PRDM9: variants seen among roughly 807,000 people sequenced by gnomAD.
PRDM9 encodes histone-lysine N-methyltransferase PRDM9.
Under a neutral mutation model 55.6 loss-of-function variants are expected in PRDM9, and 47 were observed. The observed-to-expected ratio is 0.85, with a 90% CI of 0.67 to 1.08. PRDM9 has a LOEUF of 1.08. Ranked by LOEUF, PRDM9 falls within the 50% of genes least tolerant of loss-of-function variation. The probability of loss-of-function intolerance (pLI) is 0.00; values close to 1 mark genes in which losing one functional copy is unlikely to be tolerated. For missense variants in PRDM9, 867 were observed against 1,040.3 expected, an observed-to-expected ratio of 0.83 and a Z score of 2.29; for synonymous variants, 312 against 375.7, an observed-to-expected ratio of 0.83 and a Z score of 1.96.
intron 4 of PRDM9, among the ~76,000 whole-genome samples, chr5:23,513,498 G>A (rs1475361649): frequency 1.3e-5 from 2 of 152,150 alleles, no homozygotes; most frequent in Middle Eastern, 3.4e-3. Flanking sequence ...GTCATGATGC[G>A]GTTTGAAGCC....
In PRDM9 at chr5:23,527,997, T is replaced by C. The variant is rs1231744550; in HGVS notation, c.*224T>C. ...TAGTTCTGTAAGTGTTCGGGGGACA[T>C]CAGCATGTGTGGTTCTTTCCCGCAC... is the stretch of plus-strand genomic sequence containing the variant. On this transcript the variant is annotated 3_prime_UTR_variant, in exon 11 of 11. Transcript: ENST00000296682. 4 of 669,364 alleles carry C rather than the reference T, an allele frequency of 6.0e-6. No individual in the cohort carries two copies. Among genetic ancestry groups the C allele is most frequent in the Non-Finnish European group, 5.1e-6 (2 of 393,550 alleles). 41.5% of individuals were successfully genotyped at this position (669,364 alleles called of 1,614,324 possible). A position where few individuals can be genotyped will look rare whatever the true frequency, so the allele number is the denominator to read the frequency against.
At chr5:23,519,293 C>G (rs954514757) in intron 5 of PRDM9, among the ~76,000 whole-genome samples, 12 of 152,150 alleles carry the variant, frequency 7.9e-5, no homozygotes, top group Non-Finnish European at 1.6e-4. Context: ...CTACTGGGCT[C>G]AAGCCATCCT....
chr5:23,518,742 A>C (rs1579592316), intron 5 of PRDM9, among the ~76,000 whole-genome samples: 6 of 152,376 alleles, frequency 3.9e-5, no homozygotes, highest in Admixed American at 6.5e-5. Flanking sequence ...TACAGAAGGC[A>C]GTAACAGCTC....
intron 4 of PRDM9, among the ~76,000 whole-genome samples, chr5:23,517,602 A>G (rs1225634694): frequency 2.0e-5 from 3 of 152,086 alleles, no homozygotes; most frequent in African/African-American, 7.2e-5. Context: ...CATCGCCAAC[A>G]TGGAGAAACC....
chr5:23,511,858 A>G (rs1190421121), intron 4 of PRDM9, among the ~76,000 whole-genome samples: 1 of 152,150 alleles, frequency 6.6e-6, no homozygotes, highest in Admixed American at 6.5e-5. Context: ...TGAAATACAC[A>G]TAAAAAGATC....
intron 5 of PRDM9, among the ~76,000 whole-genome samples, chr5:23,518,945 T>A (rs1435290040): frequency 3.9e-5 from 6 of 152,256 alleles, no homozygotes; most frequent in Non-Finnish European, 8.8e-5. Flanking sequence ...AGTTTATGAA[T>A]TAAACTATAA....
Position 23,509,988 on chromosome 5 carries a change from A to C in PRDM9, c.262A>C (p.Thr88Pro), listed in dbSNP as rs763206894. 6 of 1,613,938 alleles carry C rather than the reference A, an allele frequency of 3.7e-6. No homozygotes were observed. Among genetic ancestry groups the C allele is most frequent in the East Asian group, 2.2e-5 (1 of 44,876 alleles). The change falls in exon 4 of 11, where the codon ACA (threonine) becomes CCA (proline). Residue 88 changes from threonine to proline, a missense_variant. Thr to Pro is a conservative substitution (Grantham distance 38, BLOSUM62 -1). Around this residue, in one of 5 missense-constraint regions of PRDM9, gnomAD observed 662 missense variants for 711.9 expected, o/e 0.93. Coordinates refer to ENST00000296682, the MANE Select transcript of PRDM9 (RefSeq NM_020227.4). ...GGCCATCAAACTCCAGGTGGATGACACAGAAGATTCTGATGAAGAATGGAC... is the reference window on the plus strand; with the variant it reads ...GGCCATCAAACTCCAGGTGGATGACCCAGAAGATTCTGATGAAGAATGGAC... Reference protein sequence around the residue: ...RQAIKLQVDDTEDSDEEWTPR... With the variant: ...RQAIKLQVDDPEDSDEEWTPR...
At chr5:23,513,635 A>G (rs1175060519) in intron 4 of PRDM9, among the ~76,000 whole-genome samples, 1 of 151,992 alleles carries the variant, frequency 6.6e-6, no homozygotes, top group Non-Finnish European at 1.5e-5. Flanking sequence ...TAATCCTAGC[A>G]CTTTGGTAGG....
intron 4 of PRDM9, among the ~76,000 whole-genome samples, chr5:23,510,627 GGATGATGATGATGATGAT>G (rs201050539): frequency 7.0e-6 from 1 of 142,772 alleles, no homozygotes; most frequent in Non-Finnish European, 1.5e-5. Context: ...CAAAGTGCTG[GGATGATGATGATGATGAT>G]GATGATGATG....
rs374584872 is a variant in PRDM9, at chr5:23,526,721, A to G, written c.1633A>G (p.Thr545Ala). ...VKSDVITHQRTHTGEKLYVCR... is the reference protein window; with the variant it reads ...VKSDVITHQRAHTGEKLYVCR... ...ATCAGATGTTATTACACACCAAAGG[A>G]CACATACAGGGGAGAAGCTCTACGT... Residue 545 changes from threonine to alanine, a missense_variant, in exon 11 of 11, where the codon ACA becomes GCA. By Grantham distance (58) the Thr-to-Ala change is moderately conservative. This residue lies in a region of PRDM9 where 662 missense variants were observed against 711.9 expected (regional missense o/e 0.93). Transcript: ENST00000296682. The G allele has an allele frequency of 4.3e-5, 70 of 1,614,128 alleles. No individual in the cohort carries two copies. The highest frequency in any genetic ancestry group is 8.3e-5 in the Admixed American group (5 of 60,008).
At chr5:23,526,182 T>C in intron 10 of PRDM9, 51 bp from the exon 11 acceptor site, 1 of 1,542,788 alleles carries the variant, frequency 6.5e-7, no homozygotes. Context: ...CCTTCATATG[T>C]GGTAAGGCCT....
At chr5:23,521,259 G>T in intron 6 of PRDM9, 80 bp downstream of exon 6, 1 of 1,555,696 alleles carries the variant, frequency 6.4e-7, no homozygotes, top group Non-Finnish European at 8.8e-7. Flanking sequence ...CCTATGTGGG[G>T]TGGACTTTGC....
At chr5:23,523,153 G>T in intron 8 of PRDM9, 138 bp from the exon 9 acceptor site, 1 of 1,138,090 alleles carries the variant, frequency 8.8e-7, no homozygotes, top group Non-Finnish European at 1.3e-6. Flanking sequence ...GATAGATGAT[G>T]ACTAAGGTGC....
Position 23,523,350 on chromosome 5 carries a change from C to A in PRDM9, c.942C>A (p.Asn314Lys), listed in dbSNP as rs750635579. 6.2e-7 allele frequency: 1 copy of A among 1,613,194 alleles called. No homozygotes were observed. The highest frequency in any genetic ancestry group is 8.5e-7 in the Non-Finnish European group (1 of 1,179,154). The change falls in exon 9 of 11, where the codon AAC becomes AAA. Residue 314 changes from asparagine (N) to lysine (K), a missense_variant. Asn to Lys is a moderately conservative substitution (Grantham distance 94, BLOSUM62 0). Transcript: ENST00000296682. ...YVDGKDKSWA[N>K]WMRYVNCARD... ...ATGGAAAAGATAAATCCTGGGCCAA[C>A]TGGATGAGGTAAGGCCAGTAGCTCT...
In PRDM9 at chr5:23,522,869, A is replaced by G. The variant is rs201626990; in HGVS notation, c.866A>G (p.Asn289Ser). ...ACAGAAGACGAAGAGGCAGCCAACA[A>G]TGGATACTCCTGGCTGGTAAGAAGA... ...RITEDEEAAN[N>S]GYSWLITKGR... Residue 289 changes from asparagine (N) to serine (S), a missense_variant, in exon 8 of 11, where the codon AAT becomes AGT. Transcript: ENST00000296682. The G allele has an allele frequency of 8.8e-5, 142 of 1,614,208 alleles. No homozygotes were observed. In the East Asian group the frequency reaches 3.0e-3, roughly 34 times the overall value.
At chr5:23,512,826 A>C (rs1055167567) in intron 4 of PRDM9, among the ~76,000 whole-genome samples, 9 of 152,128 alleles carry the variant, frequency 5.9e-5, no homozygotes, top group African/African-American at 2.2e-4. Context: ...TGTTTCTATA[A>C]ATTTGATTAC....
At chr5:23,517,244 T>C (rs1739231678) in intron 4 of PRDM9, among the ~76,000 whole-genome samples, 1 of 151,856 alleles carries the variant, frequency 6.6e-6, no homozygotes, top group Non-Finnish European at 1.5e-5. Context: ...TTGTTCAGTG[T>C]GTTTGTCGTG....
At chr5:23,521,966 A>G (rs1739335947) in intron 6 of PRDM9, among the ~76,000 whole-genome samples, 1 of 152,176 alleles carries the variant, frequency 6.6e-6, no homozygotes. Flanking sequence ...ACTTTATCTT[A>G]GTGTTGTATG....
rs760574084 is a variant in PRDM9 at position 23,517,899 on chromosome 5, C to T, written c.320C>T (p.Ala107Val). ...CTTTTAGTCAAACCTCCTTGGATGG[C>T]CTTAAGAGTGGAACAGCGTAAACAC... ...PRQQVKPPWM[A>V]LRVEQRKHQK... The change falls in exon 5 of 11, where the codon GCC (alanine) becomes GTC (valine). Residue 107 changes from alanine to valine, a missense_variant. Coordinates refer to ENST00000296682, the MANE Select transcript of PRDM9 (RefSeq NM_020227.4). 1.2e-6 allele frequency: 2 copies of T among 1,603,752 alleles called. No homozygotes were observed. The highest frequency in any genetic ancestry group is 1.7e-6 in the Non-Finnish European group (2 of 1,170,708).
Sources: gnomAD v4.1 joint callset for allele counts (sites outside exome capture counted in the v4.1 genomes callset) on GRCh38, gnomAD v4.1.1 for gene constraint, gnomAD v4.1.1 regional missense constraint, MANE v1.5 for transcripts, NCBI Gene and HGNC (gene_info 2026-07-23, HGNC 2026-07-21) for gene names.